Variants in ROBO1 observed in about 807,000 individuals in gnomAD.
ROBO1 encodes roundabout homolog 1.
Under a neutral mutation model 195.9 loss-of-function variants are expected in ROBO1, and 149 were observed. That is an observed-to-expected ratio of 0.76 (90% CI 0.67 to 0.87). The LOEUF is 0.87. Ranked by LOEUF, ROBO1 falls within the 40% of genes least tolerant of loss-of-function variation. The pLI, the probability that ROBO1 is intolerant of heterozygous loss-of-function variation, is 0.00. For missense variants in ROBO1, 1,933 were observed against 2,068.3 expected (o/e 0.93, Z 1.27); for synonymous variants, 816 against 733.2 (o/e 1.11, Z -1.82).
intron 4 of ROBO1, among the ~76,000 whole-genome samples, chr3:78,791,320 G>A (rs2084013734): frequency 6.6e-6 from 1 of 152,104 alleles, no homozygotes; most frequent in Admixed American, 6.5e-5. Flanking sequence ...AGGAATTCAT[G>A]CCAATTTGCT....
At chr3:79,043,655 G>A (rs1369591952) in intron 3 of ROBO1, among the ~76,000 whole-genome samples, 1 of 152,000 alleles carries the variant, frequency 6.6e-6, no homozygotes, top group African/African-American at 2.4e-5. Context: ...TGCATTTAAC[G>A]TTTGTTTATA....
At chr3:79,412,120 T>C (rs2106863079) in intron 2 of ROBO1, among the ~76,000 whole-genome samples, 1 of 152,252 alleles carries the variant, frequency 6.6e-6, no homozygotes, top group African/African-American at 2.4e-5. Context: ...AATCCTGTCA[T>C]TTTATTCAGC....
intron 2 of ROBO1, among the ~76,000 whole-genome samples, chr3:79,551,980 T>TAAAAAAAAAAAAAAA (rs771824432): frequency 9.0e-5 from 4 of 44,260 alleles, no homozygotes; most frequent in African/African-American, 3.7e-4. Context: ...TCTACAGAGT[T>TAAAAAAAAAAAAAAA]AAAAAAAAAA....
chr3:79,222,781 T>A (rs2082162922), intron 2 of ROBO1, among the ~76,000 whole-genome samples: 1 of 152,086 alleles, frequency 6.6e-6, no homozygotes, highest in South Asian at 2.1e-4. Context: ...ATTAGAAAAA[T>A]ACTTGGTTAT....
intron 1 of ROBO1, among the ~76,000 whole-genome samples, chr3:79,699,657 T>C (rs984826671): frequency 1.1e-4 from 16 of 151,426 alleles, no homozygotes; most frequent in Admixed American, 2.6e-4. Flanking sequence ...ATGTTGTTGT[T>C]TTTTTTTCAT....
At chr3:79,657,224 C>T (rs1946193829) in intron 1 of ROBO1, among the ~76,000 whole-genome samples, 1 of 152,016 alleles carries the variant, frequency 6.6e-6, no homozygotes, top group African/African-American at 2.4e-5. Flanking sequence ...TAACCTTTGC[C>T]AAATACTAAT....
chr3:79,302,885 T>C (rs2033030336), intron 2 of ROBO1, among the ~76,000 whole-genome samples: 1 of 152,130 alleles, frequency 6.6e-6, no homozygotes, highest in East Asian at 1.9e-4. Context: ...AATTCTCCTT[T>C]TACATTAACT....
chr3:79,762,744 G>A (rs1704780145), intron 1 of ROBO1, among the ~76,000 whole-genome samples: 1 of 152,100 alleles, frequency 6.6e-6, no homozygotes, highest in African/African-American at 2.4e-5. Context: ...ATATCACAGA[G>A]TACCTTCAAT....
intron 4 of ROBO1, among the ~76,000 whole-genome samples, chr3:78,797,117 C>T (rs553654368): frequency 1.3e-5 from 2 of 152,090 alleles, no homozygotes; most frequent in Non-Finnish European, 2.9e-5. Context: ...GACAGGTGCC[C>T]CTTCTGTTGT....
chr3:79,296,494 G>T (rs1229823941), intron 2 of ROBO1, among the ~76,000 whole-genome samples: 2 of 152,162 alleles, frequency 1.3e-5, no homozygotes, highest in Admixed American at 6.6e-5. Flanking sequence ...ATTCACTGGG[G>T]TGACCTGAGG....
chr3:79,218,093 A>C (rs1365129541), intron 2 of ROBO1, among the ~76,000 whole-genome samples: 3 of 151,990 alleles, frequency 2.0e-5, no homozygotes, highest in East Asian at 1.9e-4. Context: ...TAGATACTAA[A>C]ATCTTATATA....
At chr3:79,066,918 G>C in intron 3 of ROBO1, among the ~76,000 whole-genome samples, 1 of 152,012 alleles carries the variant, frequency 6.6e-6, no homozygotes, top group East Asian at 1.9e-4. Context: ...AGTGAGTCAA[G>C]CATGATAAAA....
chr3:79,208,618 A>G lies in ROBO1; in HGVS notation c.89-83079T>C, dbSNP rs548267784. On this transcript the variant is annotated intron_variant, in intron 2 of 30. Transcript: ENST00000464233. ...ATGCATTTATGCAAAGGCTAAAAGC[A>G]AAAGTGAACATGTAAGCAAGGGTTT... Among the ~76,000 whole-genome samples, 3 of 152,242 alleles carry G rather than the reference A, an allele frequency of 2.0e-5. No homozygotes were observed. The South Asian group carries it at 6.2e-4, about 32-fold the overall frequency.
At chr3:78,948,318 G>A (rs2040572529) in intron 3 of ROBO1, among the ~76,000 whole-genome samples, 1 of 152,096 alleles carries the variant, frequency 6.6e-6, no homozygotes, top group African/African-American at 2.4e-5. Context: ...TATCCACCAT[G>A]ATCAAGTGGG....
chr3:78,989,922 G>T (rs2077196916), intron 3 of ROBO1, among the ~76,000 whole-genome samples: 2 of 151,948 alleles, frequency 1.3e-5, no homozygotes, highest in African/African-American at 4.8e-5. Context: ...ATAAATTATT[G>T]AGTGGAAGCC....
chr3:78,754,323 T>G (rs149940514), intron 4 of ROBO1, among the ~76,000 whole-genome samples: 7 of 152,262 alleles, frequency 4.6e-5, no homozygotes, highest in African/African-American at 1.4e-4. Flanking sequence ...AAAGTCACAC[T>G]CAGGAGTAGC....
chr3:79,288,788 G>C (rs1261903295), intron 2 of ROBO1, among the ~76,000 whole-genome samples: 1 of 151,626 alleles, frequency 6.6e-6, no homozygotes, highest in East Asian at 1.9e-4. Context: ...TTTATATCTC[G>C]ACCTTTTTTT....
intron 2 of ROBO1, among the ~76,000 whole-genome samples, chr3:79,370,650 A>AT (rs1577032374): frequency 1.3e-5 from 2 of 150,986 alleles, no homozygotes; most frequent in East Asian, 3.9e-4. Context: ...TATATATATA[A>AT]AAATGTTATC....
intron 2 of ROBO1, among the ~76,000 whole-genome samples, chr3:79,325,855 C>T (rs1181615768): frequency 6.6e-6 from 1 of 152,168 alleles, no homozygotes; most frequent in Non-Finnish European, 1.5e-5. Context: ...TAAACTCTGA[C>T]CACCGGTGAG....
Sources: gnomAD v4.1 joint callset for allele counts (sites outside exome capture counted in the v4.1 genomes callset) on GRCh38, gnomAD v4.1.1 for gene constraint, MANE v1.5 for transcripts, NCBI Gene and HGNC (gene_info 2026-07-23, HGNC 2026-07-21) for gene names.